The following HPSE2 variants were observed in gnomAD, a reference collection of about 807,000 sequenced individuals.
HPSE2 encodes the protein heparanase 2 (inactive), also known as inactive heparanase-2.
HPSE2 carries 38 observed loss-of-function variants against 60.5 expected under a neutral mutation model. The observed-to-expected ratio is 0.63, with a 90% CI of 0.48 to 0.82. The LOEUF (loss-of-function observed/expected upper bound fraction) is 0.82. Among genes scored for constraint, HPSE2 ranks in the 40% least tolerant of loss-of-function variants. The pLI is 0.00. For missense variants in HPSE2, 713 were observed against 740.4 expected (o/e 0.96, Z 0.43); for synonymous variants, 295 against 293.2 (o/e 1.01, Z -0.06).
At position 98,749,910 on chromosome 10, in the gene HPSE2, T is replaced by TTA. The variant is rs925910717; in HGVS notation, c.611-5856_611-5855dup. On this transcript the variant is annotated intron_variant, in intron 3 of 11. Coordinates refer to ENST00000370552, the MANE Select transcript of HPSE2 (RefSeq NM_021828.5). ...CATCTGCATGTGTAATTTATATATT[T>TTA]TATATATATATATTAAACACTATAT... Among the ~76,000 whole-genome samples, 164 of 90,230 alleles carry TTA rather than the reference T, an allele frequency of 1.8e-3. 1 individual carries two copies. Among genetic ancestry groups the TTA allele is most frequent in the African/African-American group, 5.1e-3 (145 of 28,652 alleles). 59.2% of individuals were successfully genotyped at this position (90,230 alleles called of 152,430 possible).
intron 3 of HPSE2, among the ~76,000 whole-genome samples, chr10:98,846,393 G>A (rs1383797948): frequency 2.0e-5 from 3 of 152,206 alleles, no homozygotes; most frequent in Admixed American, 6.5e-5. Flanking sequence ...TTTGAAGTTT[G>A]TGATCAGATG....
chr10:98,724,332 G>C (rs1357793540), intron 4 of HPSE2, among the ~76,000 whole-genome samples: 1 of 152,130 alleles, frequency 6.6e-6, no homozygotes, highest in Non-Finnish European at 1.5e-5. Flanking sequence ...CTGAGAGACA[G>C]TTTGTTATAA....
chr10:99,298,681 CTT>C, the HPSE2 span, among the ~76,000 whole-genome samples: 2 of 122,380 alleles, frequency 1.6e-5, no homozygotes, highest in African/African-American at 3.1e-5. Context: ...TTTTTTTTTT[CTT>C]TTTTTTTTTT....
chr10:99,060,388 G>A (rs1958210596), intron 3 of HPSE2, among the ~76,000 whole-genome samples: 1 of 152,160 alleles, frequency 6.6e-6, no homozygotes, highest in Non-Finnish European at 1.5e-5. Context: ...GCTGGGCGCA[G>A]TGGCTCATGC....
intron 3 of HPSE2, among the ~76,000 whole-genome samples, chr10:99,026,615 T>TCTGAAAATGGATCTG (rs141786596): frequency 0.15 from 22,770 of 152,124 alleles, 2,371 homozygotes; most frequent in African/African-American, 0.29. Flanking sequence ...GCACTACAGA[T>TCTGAAAATGGATCTG]CAAATGGATC....
At position 99,201,663 on chromosome 10, in the gene HPSE2, T is replaced by C. The variant is rs189437065; in HGVS notation, c.448+30685A>G. 4.7e-4 allele frequency among the ~76,000 whole-genome samples: 72 copies of C among 152,286 alleles called. No individual in the cohort carries two copies. The East Asian group carries it at 9.1e-3, about 19-fold the overall frequency. On this transcript the variant is annotated intron_variant, in intron 2 of 11. Coordinates refer to ENST00000370552, the MANE Select transcript of HPSE2 (RefSeq NM_021828.5). ...ACACATTATTATTATCTGTAACTTA[T>C]CCATTTCCAAACATTAGGCACTTTG... is the stretch of plus-strand genomic sequence containing the variant.
chr10:98,736,942 T>C (rs375018489), intron 4 of HPSE2, among the ~76,000 whole-genome samples: 2 of 152,098 alleles, frequency 1.3e-5, no homozygotes, highest in African/African-American at 4.8e-5. Context: ...ACCATGAGAG[T>C]ATGTTTCTGG....
chr10:98,952,394 T>C (rs1215079305), intron 3 of HPSE2, among the ~76,000 whole-genome samples: 3 of 150,606 alleles, frequency 2.0e-5, no homozygotes, highest in African/African-American at 7.4e-5. Flanking sequence ...TGGGCAAGGG[T>C]TTGGAAGGTG....
intron 6 of HPSE2, among the ~76,000 whole-genome samples, chr10:98,646,956 T>C (rs1354830969): frequency 6.6e-6 from 1 of 152,120 alleles, no homozygotes; most frequent in Admixed American, 6.5e-5. Context: ...AACATAAAAT[T>C]TCCCCTAATT....
intron 2 of HPSE2, among the ~76,000 whole-genome samples, chr10:99,186,143 C>CAT (rs1848011511): frequency 9.9e-6 from 1 of 100,896 alleles, no homozygotes; most frequent in Non-Finnish European, 2.6e-5. Flanking sequence ...CACACACACA[C>CAT]ACACACACAC....
At chr10:98,687,763 GCCTCA>G (rs746761277) in intron 6 of HPSE2, among the ~76,000 whole-genome samples, 8 of 151,860 alleles carry the variant, frequency 5.3e-5, no homozygotes, top group Non-Finnish European at 1.5e-5. Context: ...AATTAATATA[GCCTCA>G]CCAGCTTTTT....
chr10:99,089,734 A>G (rs1159021191), intron 3 of HPSE2, among the ~76,000 whole-genome samples: 2 of 151,980 alleles, frequency 1.3e-5, no homozygotes, highest in Non-Finnish European at 2.9e-5. Context: ...TTTTGATAGG[A>G]ATTGCATTGA....
intron 6 of HPSE2, among the ~76,000 whole-genome samples, chr10:98,663,648 C>A (rs1388716595): frequency 6.6e-6 from 1 of 152,138 alleles, no homozygotes; most frequent in African/African-American, 2.4e-5. Flanking sequence ...TAACAACCAC[C>A]AGGTGATCAC....
At chr10:98,803,039 T>A (rs1357598585) in intron 3 of HPSE2, among the ~76,000 whole-genome samples, 20 of 150,198 alleles carry the variant, frequency 1.3e-4, no homozygotes, top group African/African-American at 4.2e-4. Flanking sequence ...GGTATCTCAT[T>A]GTGGTTTTGA....
intron 3 of HPSE2, among the ~76,000 whole-genome samples, chr10:99,071,730 C>T (rs1043268640): frequency 1.3e-5 from 2 of 152,138 alleles, no homozygotes; most frequent in African/African-American, 4.8e-5. Flanking sequence ...ATCTACTTTG[C>T]ATTAATTTTT....
At chr10:98,626,078 C>CG (rs1946200958) in intron 7 of HPSE2, among the ~76,000 whole-genome samples, 3 of 150,450 alleles carry the variant, frequency 2.0e-5, no homozygotes, top group Non-Finnish European at 4.4e-5. Context: ...TACACTCCAG[C>CG]CTGGGCGACA....
chr10:98,813,964 T>C (rs1336500), intron 3 of HPSE2, among the ~76,000 whole-genome samples: 5,803 of 152,208 alleles, frequency 0.038, 244 homozygotes, highest in East Asian at 0.17. Flanking sequence ...GTCAAATCAT[T>C]TCAACCCCTT....
chr10:99,194,780 A>G (rs1009691771), intron 2 of HPSE2, among the ~76,000 whole-genome samples: 1 of 152,044 alleles, frequency 6.6e-6, no homozygotes, highest in Admixed American at 6.5e-5. Flanking sequence ...GCCCAGATCC[A>G]ATGGCTTCAC....
chr10:99,042,866 TAA>T (rs1165897816), intron 3 of HPSE2, among the ~76,000 whole-genome samples: 3 of 152,116 alleles, frequency 2.0e-5, no homozygotes, highest in Non-Finnish European at 2.9e-5. Flanking sequence ...TCAGAAACTA[TAA>T]AAGAGCCACA....
Sources: allele counts gnomAD v4.1 joint callset (sites outside exome capture counted in the v4.1 genomes callset), GRCh38; gene constraint gnomAD v4.1.1; transcripts MANE v1.5; gene names NCBI Gene and HGNC (gene_info 2026-07-23, HGNC 2026-07-21).